DIABLO: variants seen among roughly 807,000 people sequenced by gnomAD.
DIABLO encodes diablo IAP-binding mitochondrial protein, also known as diablo homolog, mitochondrial.
A neutral mutation model predicts 31.7 loss-of-function variants in DIABLO; 32 were observed. The ratio of observed to expected loss-of-function variants is 1.01; its 90% CI spans 0.76 to 1.35. The LOEUF is 1.35. DIABLO is among the 40% of genes most tolerant of loss of function. The pLI, the probability that DIABLO is intolerant of heterozygous loss-of-function variation, is 0.00. For missense variants in DIABLO, 316 were observed against 286.4 expected (o/e 1.10, Z -0.75); for synonymous variants, 132 against 103.2 (o/e 1.28, Z -1.69).
upstream of DIABLO, chr12:122,226,766 C>A (rs867806839): frequency 7.2e-6 from 4 of 556,626 alleles, no homozygotes; most frequent in African/African-American, 4.0e-5. Context: ...AAACTGCCCT[C>A]GTTCTTCGGC....
chr12:122,216,899 AAAGT>A (rs763766066), intron 3 of DIABLO, 30 bp from the exon 4 acceptor site: 9 of 1,560,602 alleles, frequency 5.8e-6, no homozygotes, highest in Admixed American at 5.0e-5. Context: ...AAGTCTGAGT[AAAGT>A]AAGTGAGACA....
upstream of DIABLO, chr12:122,227,309 C>A (rs1311556419): frequency 4.5e-6 from 2 of 445,552 alleles, no homozygotes; most frequent in South Asian, 3.1e-5. Context: ...CCCAGCCACT[C>A]CCCACAGTGT....
chr12:122,211,848 TAATG>T (rs1179591336), intron 5 of DIABLO, among the ~76,000 whole-genome samples: 2 of 152,366 alleles, frequency 1.3e-5, no homozygotes, highest in South Asian at 2.1e-4. Context: ...GATAATGTCT[TAATG>T]AATTGTTCTG....
At chr12:122,219,412 C>G (rs1954286645) in intron 2 of DIABLO, among the ~76,000 whole-genome samples, 1 of 152,066 alleles carries the variant, frequency 6.6e-6, no homozygotes, top group Non-Finnish European at 1.5e-5. Context: ...GCTAACAGAA[C>G]TAGAAAAATG....
intron 5 of DIABLO, among the ~76,000 whole-genome samples, chr12:122,213,889 G>A (rs547041823): frequency 1.3e-4 from 20 of 152,046 alleles, no homozygotes; most frequent in African/African-American, 3.6e-4. Context: ...ATTCAAGACC[G>A]GTCTGGCCAA....
rs192840880 is a variant in DIABLO, at chr12:122,217,459, G to A, written c.316-590C>T. 277 of 159,116 alleles carry A rather than the reference G, an allele frequency of 1.7e-3. 2 individuals are homozygous for A. Among genetic ancestry groups the A allele is most frequent in the African/African-American group, 6.5e-3 (268 of 41,504 alleles). The allele number at this position is 159,116 out of a possible 1,614,324, so 9.9% of individuals were successfully genotyped here. ...GAACCCAGGAGGCGGAGATTGCAGC[G>A]AGCTGACATCACTCCACTGCACTCC... is the stretch of plus-strand genomic sequence containing the variant. On this transcript the variant is annotated intron_variant, in intron 3 of 5. Coordinates refer to ENST00000464942, the MANE Select transcript of DIABLO (RefSeq NM_001371333.1).
At chr12:122,223,216 C>T in intron 2 of DIABLO, among the ~76,000 whole-genome samples, 1 of 151,914 alleles carries the variant, frequency 6.6e-6, no homozygotes, top group Non-Finnish European at 1.5e-5. Flanking sequence ...GTGTGGATCG[C>T]CTGAGGTCAG....
At chr12:122,224,843 C>T in intron 1 of DIABLO, 199 bp from the exon 2 acceptor site, 1 of 1,496,432 alleles carries the variant, frequency 6.7e-7, no homozygotes, top group Non-Finnish European at 8.9e-7. Context: ...GTGGCTCACG[C>T]CTGTAATCCT....
intron 1 of DIABLO, chr12:122,225,535 T>C: frequency 9.1e-7 from 1 of 1,099,152 alleles, no homozygotes; most frequent in Non-Finnish European, 1.1e-6. Flanking sequence ...CCCAGGAGCC[T>C]GCAGCGCTAG....
intron 2 of DIABLO, chr12:122,221,124 G>A (rs1954327182): frequency 6.6e-6 from 1 of 152,148 alleles, no homozygotes. Flanking sequence ...GGTGCCAAAG[G>A]ATTATCATCA....
chr12:122,216,944 A>C, intron 3 of DIABLO, 75 bp from the exon 4 acceptor site: 6 of 1,269,148 alleles, frequency 4.7e-6, no homozygotes, highest in Non-Finnish European at 4.6e-6. Context: ...TTTCCACCTC[A>C]AGGAAATTAA....
chr12:122,212,348 A>G (rs1426051636), intron 5 of DIABLO, among the ~76,000 whole-genome samples: 2 of 152,120 alleles, frequency 1.3e-5, no homozygotes, highest in African/African-American at 4.8e-5. Flanking sequence ...TTCTCTCAAA[A>G]CTGATTTTTC....
upstream of DIABLO, chr12:122,227,323 G>T (rs897006961): frequency 2.2e-6 from 1 of 451,102 alleles, no homozygotes; most frequent in East Asian, 7.0e-5. Context: ...ACAGTGTCAG[G>T]CACTGGCTTC....
At chr12:122,218,595 T>C (rs1273534221) in intron 2 of DIABLO, 198 bp from the exon 3 acceptor site, 3 of 627,292 alleles carry the variant, frequency 4.8e-6, no homozygotes, top group Non-Finnish European at 8.2e-6. Context: ...CGGAGTATGC[T>C]TTCTACCAAC....
At position 122,216,497 on chromosome 12, in the gene DIABLO, A is replaced by G; in HGVS notation, c.514T>C (p.Tyr172His). 6.2e-7 allele frequency: 1 copy of G among 1,613,620 alleles called. No individual in the cohort carries two copies. The highest frequency in any genetic ancestry group is 1.1e-5 in the South Asian group (1 of 91,082). Residue 172 changes from tyrosine to histidine, a missense_variant, in exon 5 of 6, where the codon TAT becomes CAT. Physicochemically the swap from Tyr to His is moderately conservative, Grantham distance 83 (BLOSUM62 2). Coordinates refer to ENST00000464942, the MANE Select transcript of DIABLO (RefSeq NM_001371333.1). ...CAAAACTTGAACCTACCAGTTTGATATGCAGCTTCTGCTGCCATCTCTGAA... is the reference window on the plus strand; with the variant it reads ...CAAAACTTGAACCTACCAGTTTGATGTGCAGCTTCTGCTGCCATCTCTGAA... ...GLSEMAAEAA[Y>H]QTGADQASIT...
In DIABLO at chr12:122,208,061, A is replaced by G. The variant is rs1428472463; in HGVS notation, c.*320T>C. On this transcript the variant is annotated 3_prime_UTR_variant, in exon 6 of 6. Coordinates refer to ENST00000464942, the MANE Select transcript of DIABLO (RefSeq NM_001371333.1). The stretch of plus-strand genomic sequence containing the variant: ...TTAAACAGTTGCTGAACTTAAGGGC[A>G]TGACAAAAAGGACTCCTCTCTCTGA... 5.2e-6 allele frequency: 3 copies of G among 574,232 alleles called. No individual in the cohort carries two copies. The highest frequency in any genetic ancestry group is 9.8e-6 in the Non-Finnish European group (3 of 305,268). The allele number at this position is 574,232 out of a possible 1,614,324, so 35.6% of individuals were successfully genotyped here.
chr12:122,210,858 G>A lies in DIABLO; in HGVS notation c.524-2281C>T, dbSNP rs563796856. 1.1e-4 allele frequency among the ~76,000 whole-genome samples: 16 copies of A among 151,794 alleles called. 1 individual carries two copies. In the South Asian group the frequency reaches 3.3e-3, roughly 32 times the overall value. ...CTGCAAAACCAGCCTGGGAAACTTAGCAAAACTCTGTTTCTACTAAAAATA... is the reference window on the plus strand; with the variant it reads ...CTGCAAAACCAGCCTGGGAAACTTAACAAAACTCTGTTTCTACTAAAAATA... On this transcript the variant is annotated intron_variant, in intron 5 of 5. Transcript: ENST00000464942.
intron 5 of DIABLO, among the ~76,000 whole-genome samples, chr12:122,214,220 CTG>C (rs1197569849): frequency 7.2e-5 from 11 of 152,152 alleles, no homozygotes; most frequent in South Asian, 2.1e-4. Context: ...GGGTCTCACT[CTG>C]TTGCACAGGC....
At chr12:122,217,104 GAAAAC>G in intron 3 of DIABLO, 1 of 479,060 alleles carries the variant, frequency 2.1e-6, no homozygotes, top group Non-Finnish European at 3.8e-6. Context: ...CACAGAAAGA[GAAAAC>G]AATGCAAGGG....
Sources: allele counts gnomAD v4.1 joint callset (sites outside exome capture counted in the v4.1 genomes callset), GRCh38; gene constraint gnomAD v4.1.1; transcripts MANE v1.5; gene names NCBI Gene and HGNC (gene_info 2026-07-23, HGNC 2026-07-21).